SH3TC2: variants seen among roughly 807,000 people sequenced by gnomAD.
SH3TC2 encodes the protein SH3 domain and tetratricopeptide repeats 2.
In SH3TC2, 87 loss-of-function variants were observed where a neutral mutation model predicts 124.5. The ratio of observed to expected loss-of-function variants is 0.70; its 90% confidence interval spans 0.59 to 0.84. The LOEUF (loss-of-function observed/expected upper bound fraction) is 0.84. Ranked by LOEUF, SH3TC2 falls within the 40% of genes least tolerant of loss-of-function variation. SH3TC2 has a pLI of 0.00. For synonymous variants in SH3TC2, 634 were observed against 628.5 expected (o/e 1.01, Z -0.13); for missense variants, 1,536 against 1,566.4 (o/e 0.98, Z 0.33).
rs567621076 is a variant in SH3TC2, at chr5:149,027,549, C to G, written c.2183G>C (p.Gly728Ala). Residue 728 changes from glycine to alanine, a missense_variant, in exon 11 of 17, where the codon GGC (glycine) becomes GCC (alanine). By Grantham distance (60) the Gly-to-Ala change is moderately conservative (BLOSUM62 0). Transcript: ENST00000515425. ...GGCCAAGGCAGAAACTTCACCCCAG[C>G]CTGGGGAAGGAAAGCCAAGGAGCTT... ...TTKLLGFPSP[G>A]WGEVSALACP... The G allele has an allele frequency of 1.9e-6, 3 of 1,614,230 alleles. No homozygotes were observed. In the African/African-American group the frequency reaches 4.0e-5, roughly 22 times the overall value.
rs1044012890 is a variant in SH3TC2, at chr5:148,999,295, G to A, written c.*5416C>T. 3.3e-5 allele frequency among the ~76,000 whole-genome samples: 5 copies of A among 152,188 alleles called. No homozygotes were observed. Among genetic ancestry groups the A allele is most frequent in the African/African-American group, 4.8e-5 (2 of 41,444 alleles). Reference sequence around the variant, plus strand: ...GGATTTCCTTTTTAGCCATTTCCTTGTCTATGACATAAGTAAGTCTGATAT... The same window carrying A: ...GGATTTCCTTTTTAGCCATTTCCTTATCTATGACATAAGTAAGTCTGATAT... On this transcript the variant is annotated 3_prime_UTR_variant, in exon 17 of 17. Coordinates refer to ENST00000515425, the MANE Select transcript of SH3TC2 (RefSeq NM_024577.4).
At chr5:149,031,786 G>C (rs1019544879) in intron 8 of SH3TC2, 99 bp from the exon 9 acceptor site, 2 of 1,524,418 alleles carry the variant, frequency 1.3e-6, no homozygotes, top group Middle Eastern at 2.3e-4. Flanking sequence ...ATGCAGAAAA[G>C]TCATCAAACC....
chr5:149,044,436 T>G, intron 4 of SH3TC2, 97 bp downstream of exon 4: 1 of 919,596 alleles, frequency 1.1e-6, no homozygotes, highest in South Asian at 1.4e-5. Flanking sequence ...CTATTTCTCT[T>G]AATTACCAGA....
In SH3TC2 at chr5:148,983,062, G is replaced by A. The variant is rs1334437000; in HGVS notation, c.*21649C>T. Among the ~76,000 whole-genome samples, 2 of 152,200 alleles carry A rather than the reference G, an allele frequency of 1.3e-5. No individual in the cohort carries two copies. The highest frequency in any genetic ancestry group is 1.9e-4 in the East Asian group (1 of 5,188). On this transcript the variant is annotated 3_prime_UTR_variant, in exon 17 of 17. Transcript: ENST00000515425. Reference sequence around the variant, plus strand: ...CTCAGTGTCCCATCTATGGGATAAAGAGGGAGAACTAGCAGGTGTTTTAAA... The same window carrying A: ...CTCAGTGTCCCATCTATGGGATAAAAAGGGAGAACTAGCAGGTGTTTTAAA...
intron 1 of SH3TC2, among the ~76,000 whole-genome samples, chr5:149,054,895 G>C (rs1754616012): frequency 1.3e-5 from 2 of 152,200 alleles, no homozygotes; most frequent in African/African-American, 4.8e-5. Context: ...AGCCCACCTT[G>C]AAGAAGGGAA....
Position 149,027,471 on chromosome 5 carries a change from C to T in SH3TC2, c.2261G>A (p.Ser754Asn). ...LAACEELADR[S>N]TQRALCLILS... The stretch of plus-strand genomic sequence containing the variant: ...GATGAGACACAGGGCCCTCTGGGTG[C>T]TCCGGTCTGCTAGTTCCTCACAGGC... The change falls in exon 11 of 17, where the codon AGC (serine) becomes AAC (asparagine). Residue 754 changes from serine to asparagine, a missense_variant. By Grantham distance (46) the Ser-to-Asn change is conservative. Coordinates refer to ENST00000515425, the MANE Select transcript of SH3TC2 (RefSeq NM_024577.4). 2 of 1,614,206 alleles carry T rather than the reference C, an allele frequency of 1.2e-6. No individual in the cohort carries two copies. The highest frequency in any genetic ancestry group is 1.1e-5 in the South Asian group (1 of 91,090).
intron 15 of SH3TC2, chr5:149,008,307 C>T (rs1426564716): frequency 4.6e-5 from 8 of 174,640 alleles, no homozygotes; most frequent in Middle Eastern, 2.7e-3. Context: ...TTATTGTTTC[C>T]CACTAGCTTT....
intron 16 of SH3TC2, 87 bp from the exon 17 acceptor site, chr5:149,004,989 T>A (rs145415792): frequency 6.8e-7 from 1 of 1,463,550 alleles, no homozygotes; most frequent in East Asian, 2.3e-5. Context: ...CCACTCTAGT[T>A]TTTTTTGTTT....
intron 8 of SH3TC2, among the ~76,000 whole-genome samples, chr5:149,037,990 T>G (rs36067): frequency 0.24 from 36,540 of 152,114 alleles, 4,954 homozygotes; most frequent in African/African-American, 0.36. Flanking sequence ...GGTTAGACAG[T>G]GTGGGTAGCA....
At position 149,027,662 on chromosome 5, in the gene SH3TC2, C is replaced by CA; in HGVS notation, c.2069dup (p.Ala691GlyfsTer41). On this transcript the variant is annotated frameshift_variant, in exon 11 of 17. Coordinates refer to ENST00000515425, the MANE Select transcript of SH3TC2 (RefSeq NM_024577.4). LOFTEE classifies it high-confidence loss of function. ...GGATACCATGTTGCTGGACAGAGGC[C>CA]ACTGCAAGGTGTGGAAGATATTTCT... 6.2e-7 allele frequency: 1 copy of CA among 1,614,220 alleles called. No individual in the cohort carries two copies. Among genetic ancestry groups the CA allele is most frequent in the Non-Finnish European group, 8.5e-7 (1 of 1,180,032 alleles).
At chr5:149,036,243 T>G (rs1754281143) in intron 8 of SH3TC2, among the ~76,000 whole-genome samples, 1 of 152,218 alleles carries the variant, frequency 6.6e-6, no homozygotes, top group Non-Finnish European at 1.5e-5. Flanking sequence ...TTGGGGACCC[T>G]GACTCCACAA....
rs1754119159 is a variant in SH3TC2 at position 149,028,416 on chromosome 5, T to C, written c.1316A>G (p.Tyr439Cys). 9 of 1,613,952 alleles carry C rather than the reference T, an allele frequency of 5.6e-6. No individual in the cohort carries two copies. Among genetic ancestry groups the C allele is most frequent in the East Asian group, 2.2e-5 (1 of 44,864 alleles). ...AAGGTCATCAGGCTCCGGCAGGCGA[T>C]AGCTGTCTGAGGTGGCCGAGAGGAG... ...EELLSATSDS[Y>C]RLPEPDDLDD... The change falls in exon 11 of 17, where the codon TAT becomes TGT. Residue 439 changes from tyrosine to cysteine, a missense_variant. This residue lies in a region of SH3TC2 where 1,102 missense variants were observed against 1,098.6 expected (regional missense o/e 1.00). Transcript: ENST00000515425.
chr5:149,052,047 G>T, intron 2 of SH3TC2, 95 bp downstream of exon 2: 1 of 895,022 alleles, frequency 1.1e-6, no homozygotes, highest in South Asian at 1.3e-5. Flanking sequence ...TTCATCAAGA[G>T]GGAAAGAGGG....
intron 6 of SH3TC2, 100 bp downstream of exon 6, chr5:149,041,316 C>G: frequency 1.6e-6 from 2 of 1,274,430 alleles, no homozygotes; most frequent in South Asian, 2.5e-5. Flanking sequence ...GTTCTCTCCT[C>G]CACACTATGG....
chr5:149,057,657 G>T (rs909428773), intron 1 of SH3TC2: 3 of 152,160 alleles, frequency 2.0e-5, no homozygotes, highest in Non-Finnish European at 4.4e-5. Flanking sequence ...GCCAAAGCAA[G>T]CTCTCTATTT....
chr5:149,011,798 TA>T (rs1344019680), intron 13 of SH3TC2, among the ~76,000 whole-genome samples: 3 of 152,148 alleles, frequency 2.0e-5, no homozygotes, highest in Non-Finnish European at 4.4e-5. Context: ...AAAACCGGTA[TA>T]TTTTTGTAGA....
In SH3TC2 at chr5:149,041,518, A is replaced by G. The variant is rs1472681520; in HGVS notation, c.629T>C (p.Met210Thr). The change falls in exon 6 of 17, where the codon ATG becomes ACG. Residue 210 changes from methionine (M) to threonine (T), a missense_variant. Met to Thr is a moderately conservative substitution (Grantham distance 81). Coordinates refer to ENST00000515425, the MANE Select transcript of SH3TC2 (RefSeq NM_024577.4). ...TTCCAACTCGGAGCCAGCTTCTGCC[A>G]TCTTCACTGAGATTAACTCATTCTT... is the stretch of plus-strand genomic sequence containing the variant. ...LCKNELISVK[M>T]AEAGSELEGV... is the part of the protein sequence containing the mutation. 1.9e-6 allele frequency: 3 copies of G among 1,614,076 alleles called. No homozygotes were observed. Among genetic ancestry groups the G allele is most frequent in the East Asian group, 4.5e-5 (2 of 44,894 alleles).
In SH3TC2 at chr5:148,988,497, G is replaced by A. The variant is rs1753369959; in HGVS notation, c.*16214C>T. ...CCCCGTTTAATCTCCTGGAATGCTAGCTCTTGGAATGCACTCTCTTGGAAC... is the reference window on the plus strand; with the variant it reads ...CCCCGTTTAATCTCCTGGAATGCTAACTCTTGGAATGCACTCTCTTGGAAC... On this transcript the variant is annotated 3_prime_UTR_variant, in exon 17 of 17. Coordinates refer to ENST00000515425, the MANE Select transcript of SH3TC2 (RefSeq NM_024577.4). Among the ~76,000 whole-genome samples the A allele has an allele frequency of 6.6e-6, 1 of 152,198 alleles. No individual in the cohort carries two copies. The highest frequency in any genetic ancestry group is 1.5e-5 in the Non-Finnish European group (1 of 68,032).
At position 149,044,106 on chromosome 5, in the gene SH3TC2, T is replaced by C. The variant is rs1395633018; in HGVS notation, c.385+427A>G. Reference sequence around the variant, plus strand: ...TCTCTATTTCTTTCTTTAACTCTTTTCCAAATACATGCAATAAAACATCTG... The same window carrying C: ...TCTCTATTTCTTTCTTTAACTCTTTCCCAAATACATGCAATAAAACATCTG... On this transcript the variant is annotated intron_variant, in intron 4 of 16. Transcript: ENST00000515425. The C allele has an allele frequency of 1.6e-5, 3 of 191,816 alleles. No individual in the cohort carries two copies. In the East Asian group the frequency reaches 4.1e-4, roughly 26 times the overall value. The allele number at this position is 191,816 out of a possible 1,614,324, so 11.9% of individuals were successfully genotyped here. A position where few individuals can be genotyped will look rare whatever the true frequency, so the allele number is the denominator to read the frequency against.
Sources: allele counts gnomAD v4.1 joint callset (sites outside exome capture counted in the v4.1 genomes callset), GRCh38; gene constraint gnomAD v4.1.1; regional missense constraint gnomAD v4.1.1; transcripts MANE v1.5; gene names NCBI Gene and HGNC (gene_info 2026-07-23, HGNC 2026-07-21).